The following NUP107 variants were observed in gnomAD, a reference collection of about 807,000 sequenced individuals.
The protein encoded by NUP107 is nucleoporin 107, also known as nuclear pore complex protein Nup107.
A neutral mutation model predicts 141.0 loss-of-function variants in NUP107; 101 were observed. The ratio of observed to expected loss-of-function variants is 0.72; its 90% CI spans 0.61 to 0.84. NUP107 has a LOEUF of 0.84. Ranked by LOEUF, NUP107 falls within the 40% of genes least tolerant of loss-of-function variation. NUP107 has a pLI of 0.00. For missense variants in NUP107, 941 were observed against 1,102.7 expected, an observed-to-expected ratio of 0.85 and a Z score of 2.08; for synonymous variants, 319 against 363.9, an observed-to-expected ratio of 0.88 and a Z score of 1.41.
intron 6 of NUP107, 69 bp from the exon 7 acceptor site, chr12:68,700,657 A>G: frequency 8.8e-7 from 1 of 1,131,156 alleles, no homozygotes; most frequent in Non-Finnish European, 1.2e-6. Context: ...CACTCTATTC[A>G]AATACAAACT....
intron 4 of NUP107, among the ~76,000 whole-genome samples, chr12:68,691,607 G>A (rs910969953): frequency 2.0e-5 from 3 of 152,188 alleles, no homozygotes; most frequent in African/African-American, 7.2e-5. Flanking sequence ...GCTGAGGCAG[G>A]TGGATCACAT....
rs1378704053 is a variant in NUP107 at position 68,743,475 on chromosome 12, G to A, written c.*1013G>A. 4 of 152,242 alleles carry A rather than the reference G, an allele frequency of 2.6e-5. No homozygotes were observed. The highest frequency in any genetic ancestry group is 5.9e-5 in the Non-Finnish European group (4 of 68,060). 9.4% of individuals were successfully genotyped at this position (152,242 alleles called of 1,614,324 possible). A position where few individuals can be genotyped will look rare whatever the true frequency, so the allele number is the denominator to read the frequency against. ...CAGCTGAAAAGACTCTCAGGAAGTAGTATTGGTTTGGGGTTTGAGTAATGC... is the reference window on the plus strand; with the variant it reads ...CAGCTGAAAAGACTCTCAGGAAGTAATATTGGTTTGGGGTTTGAGTAATGC... On this transcript the variant is annotated 3_prime_UTR_variant, in exon 28 of 28. Transcript: ENST00000229179.
At chr12:68,706,296 T>A (rs761176940) in intron 8 of NUP107, 136 of 921,802 alleles carry the variant, frequency 1.5e-4, no homozygotes, top group Non-Finnish European at 2.1e-4. Flanking sequence ...ACTGAAGAGA[T>A]CAGCTTCCTC....
At chr12:68,733,770 C>G (rs187899445) in intron 24 of NUP107, among the ~76,000 whole-genome samples, 158 bp downstream of exon 24, 1 of 152,292 alleles carries the variant, frequency 6.6e-6, no homozygotes, top group East Asian at 1.9e-4. Flanking sequence ...ACTTCATGAC[C>G]TTATCTTCAT....
At chr12:68,706,706 C>T (rs1592501614) in intron 8 of NUP107, 9 of 748,068 alleles carry the variant, frequency 1.2e-5, no homozygotes, top group South Asian at 2.7e-5. Flanking sequence ...TGGAGGTGGG[C>T]GGGCCAAGCA....
intron 22 of NUP107, among the ~76,000 whole-genome samples, chr12:68,732,378 C>T (rs544078206): frequency 1.6e-4 from 25 of 152,076 alleles, no homozygotes; most frequent in East Asian, 3.9e-4. Flanking sequence ...TCAAGAGATC[C>T]GCTCGCCTGG....
chr12:68,741,551 C>T (rs1355245323), intron 26 of NUP107, among the ~76,000 whole-genome samples: 1 of 152,108 alleles, frequency 6.6e-6, no homozygotes, highest in Non-Finnish European at 1.5e-5. Flanking sequence ...GATTTTTGCT[C>T]TAATGATATT....
intron 26 of NUP107, among the ~76,000 whole-genome samples, chr12:68,740,538 G>A (rs898770575): frequency 6.6e-6 from 1 of 152,174 alleles, no homozygotes; most frequent in African/African-American, 2.4e-5. Flanking sequence ...ATAATTACCA[G>A]ATTATACTTT....
chr12:68,705,179 C>A (rs1452295521), intron 8 of NUP107, among the ~76,000 whole-genome samples: 2 of 152,160 alleles, frequency 1.3e-5, no homozygotes, highest in Non-Finnish European at 2.9e-5. Context: ...GTTTATCCCA[C>A]AAATACTTCA....
At position 68,704,000 on chromosome 12, in the gene NUP107, G is replaced by A. The variant is rs77694552; in HGVS notation, c.729+1216G>A. 2.8e-3 allele frequency among the ~76,000 whole-genome samples: 428 copies of A among 152,250 alleles called. 2 individuals are homozygous for A. Among genetic ancestry groups the A allele is most frequent in the African/African-American group, 9.6e-3 (401 of 41,556 alleles). On this transcript the variant is annotated intron_variant, in intron 8 of 27. Coordinates refer to ENST00000229179, the MANE Select transcript of NUP107 (RefSeq NM_020401.4). ...AAGGCCAGAGGATCACTTGAGCCCA[G>A]GAGTTCAAGGCTACGGTGAGCTACA... is the stretch of plus-strand genomic sequence containing the variant.
chr12:68,719,591 A>G lies in NUP107; in HGVS notation c.1188A>G (p.Glu396=), dbSNP rs747715905. ...GCTATTTTATAGGAACAGAATTAGA[A>G]CCTGTTGAAGGGAATCCATATAGAC... is the stretch of plus-strand genomic sequence containing the variant. The part of the protein sequence containing the change: ...DPNVNGGTEL[E]PVEGNPYRRI... Residue 396 remains glutamate (E), a synonymous_variant, in exon 14 of 28, where the codon GAA becomes GAG. Coordinates refer to ENST00000229179, the MANE Select transcript of NUP107 (RefSeq NM_020401.4). The G allele has an allele frequency of 1.9e-6, 3 of 1,612,254 alleles. No homozygotes were observed. Among genetic ancestry groups the G allele is most frequent in the African/African-American group, 2.7e-5 (2 of 75,012 alleles).
intron 8 of NUP107, among the ~76,000 whole-genome samples, chr12:68,703,798 G>A (rs180771105): frequency 2.1e-3 from 313 of 152,272 alleles, no homozygotes; most frequent in Non-Finnish European, 3.3e-3. Flanking sequence ...TAAAATTTAT[G>A]TAGGTTTTTA....
At chr12:68,706,676 C>T in intron 8 of NUP107, 2 of 733,516 alleles carry the variant, frequency 2.7e-6, no homozygotes, top group Non-Finnish European at 5.1e-6. Context: ...TTAAGGATGC[C>T]AACACCAAGC....
chr12:68,687,258 G>A (rs917218836), intron 1 of NUP107, 185 bp downstream of exon 1: 35 of 846,696 alleles, frequency 4.1e-5, no homozygotes, highest in Middle Eastern at 3.6e-4. Flanking sequence ...GTGCGTCGGG[G>A]TGGGGTACAG....
chr12:68,725,627 T>C lies in NUP107; in HGVS notation c.1507-100T>C, dbSNP rs1467769010. The C allele has an allele frequency of 7.6e-6, 5 of 658,638 alleles. No homozygotes were observed. In the East Asian group the frequency reaches 1.4e-4, roughly 19 times the overall value. The allele number at this position is 658,638 out of a possible 1,614,324, so 40.8% of individuals were successfully genotyped here. A position where few individuals can be genotyped will look rare whatever the true frequency, so the allele number is the denominator to read the frequency against. ...CTTCATTTCCAGCTTTTTCTTTCTA[T>C]ATGTTCCTTCAAAAGTTTAACATTT... is the stretch of plus-strand genomic sequence containing the variant. On this transcript the variant is annotated intron_variant, in intron 17 of 27. Transcript: ENST00000229179.
intron 10 of NUP107, among the ~76,000 whole-genome samples, chr12:68,710,480 C>A (rs776230403): frequency 2.6e-5 from 4 of 151,774 alleles, no homozygotes; most frequent in Non-Finnish European, 5.9e-5. Flanking sequence ...CATGGTAAAA[C>A]CCTGTCTCTG....
intron 26 of NUP107, among the ~76,000 whole-genome samples, chr12:68,741,596 A>G (rs543961264): frequency 6.6e-6 from 1 of 152,274 alleles, no homozygotes; most frequent in South Asian, 2.1e-4. Context: ...GCATGTTTTT[A>G]TTCAGGACAT....
Position 68,732,778 on chromosome 12 carries a change from C to T in NUP107, c.2101+39C>T, listed in dbSNP as rs112960972. On this transcript the variant is annotated intron_variant, in intron 23 of 27. Transcript: ENST00000229179. ...TTATGCAGCTTCAAACTCCTGGGCT[C>T]CATTCTTCTTCCTACCTCAGCCTCC... 8.2e-3 allele frequency: 10,792 copies of T among 1,316,102 alleles called. 65 individuals are homozygous for T. Among genetic ancestry groups the T allele is most frequent in the Non-Finnish European group, 0.01 (9,625 of 924,604 alleles). 81.5% of individuals were successfully genotyped at this position (1,316,102 alleles called of 1,614,324 possible). A position where few individuals can be genotyped will look rare whatever the true frequency, so the allele number is the denominator to read the frequency against.
Position 68,702,163 on chromosome 12 carries a change from A to G in NUP107, c.681-573A>G, listed in dbSNP as rs530353738. Reference sequence around the variant, plus strand: ...GCCAACACGCTTGGCTAATTTTTATATTTTTAGTAGAGACAGGGTTTTGCC... The same window carrying G: ...GCCAACACGCTTGGCTAATTTTTATGTTTTTAGTAGAGACAGGGTTTTGCC... On this transcript the variant is annotated intron_variant, in intron 7 of 27. Coordinates refer to ENST00000229179, the MANE Select transcript of NUP107 (RefSeq NM_020401.4). Among the ~76,000 whole-genome samples the G allele has an allele frequency of 2.0e-5, 3 of 152,124 alleles. No individual in the cohort carries two copies. The East Asian group carries it at 5.8e-4, about 29-fold the overall frequency.
Sources: allele counts gnomAD v4.1 joint callset (sites outside exome capture counted in the v4.1 genomes callset), GRCh38; gene constraint gnomAD v4.1.1; transcripts MANE v1.5; gene names NCBI Gene and HGNC (gene_info 2026-07-23, HGNC 2026-07-21).